The following ANKHD1 variants were observed in gnomAD, a reference collection of about 807,000 sequenced individuals.
ANKHD1 encodes the protein ankyrin repeat and KH domain-containing protein 1.
ANKHD1 carries 31 observed loss-of-function variants against 230.5 expected under a neutral mutation model. The observed-to-expected ratio is 0.13, with a 90% confidence interval of 0.10 to 0.18. ANKHD1 has a LOEUF of 0.18. ANKHD1 is among the 10% of genes least tolerant of loss of function. The pLI, the probability that ANKHD1 is intolerant of heterozygous loss-of-function variation, is 1.00. For missense variants in ANKHD1, 2,256 were observed against 3,071.3 expected (o/e 0.73, Z 6.27); for synonymous variants, 1,074 against 1,117.6 (o/e 0.96, Z 0.78).
chr5:140,489,367 G>A (rs1016402897), intron 14 of ANKHD1, among the ~76,000 whole-genome samples: 9 of 152,032 alleles, frequency 5.9e-5, no homozygotes, highest in Non-Finnish European at 1.3e-4. Flanking sequence ...GCCTGTGCCT[G>A]TAGTCCCAGC....
At chr5:140,450,114 GA>G (rs1305545295) in intron 7 of ANKHD1, among the ~76,000 whole-genome samples, 2 of 152,088 alleles carry the variant, frequency 1.3e-5, no homozygotes, top group African/African-American at 4.8e-5. Context: ...AAAGCATTCT[GA>G]TAAGTATTTA....
At chr5:140,426,908 G>A (rs1387026728) in intron 1 of ANKHD1, among the ~76,000 whole-genome samples, 5 of 152,192 alleles carry the variant, frequency 3.3e-5, no homozygotes, top group African/African-American at 9.7e-5. Flanking sequence ...AGTCTCCCAT[G>A]TCTACCTCTT....
chr5:140,407,426 A>G (rs1028059353), intron 1 of ANKHD1, among the ~76,000 whole-genome samples: 11 of 151,372 alleles, frequency 7.3e-5, no homozygotes, highest in African/African-American at 2.4e-4. Context: ...ATTTTTAGAG[A>G]TGGGCTTTTG....
chr5:140,504,413 C>G (rs1752457280), intron 15 of ANKHD1, among the ~76,000 whole-genome samples: 1 of 152,198 alleles, frequency 6.6e-6, no homozygotes, highest in Admixed American at 6.5e-5. Context: ...AAACTAAAAT[C>G]TAGAATTCCT....
At chr5:140,495,307 G>A (rs1433835995) in intron 14 of ANKHD1, among the ~76,000 whole-genome samples, 2 of 148,554 alleles carry the variant, frequency 1.3e-5, no homozygotes, top group East Asian at 2.0e-4. Context: ...GTGCAGTGGC[G>A]CAATCTCGGC....
Position 140,496,534 on chromosome 5 carries a change from A to G in ANKHD1, c.2260A>G (p.Lys754Glu). The G allele has an allele frequency of 1.9e-6, 3 of 1,589,270 alleles. No homozygotes were observed. The highest frequency in any genetic ancestry group is 2.6e-6 in the Non-Finnish European group (3 of 1,171,820). ...LGVQKGTSKQ[K>E]SSSLQVADQD... ...CATGTGCTTAGGTACATCCAAGCAGAAGTCCAGTTCCCTCCAGGTAGCAGA... is the reference window on the plus strand; with the variant it reads ...CATGTGCTTAGGTACATCCAAGCAGGAGTCCAGTTCCCTCCAGGTAGCAGA... The change falls in exon 15 of 34, where the codon AAG (lysine) becomes GAG (glutamate). Residue 754 changes from lysine to glutamate, a missense_variant. Around this residue, in one of 13 missense-constraint regions of ANKHD1, gnomAD observed 358 missense variants for 397.7 expected, o/e 0.90. Transcript: ENST00000360839.
chr5:140,448,381 C>T (rs1774452707), intron 6 of ANKHD1, among the ~76,000 whole-genome samples: 1 of 152,080 alleles, frequency 6.6e-6, no homozygotes, highest in Admixed American at 6.6e-5. Context: ...CTGATTATTT[C>T]CTTAGGATAA....
intron 1 of ANKHD1, among the ~76,000 whole-genome samples, chr5:140,422,816 GA>G (rs144213332): frequency 0.4 from 60,695 of 150,410 alleles, 13,031 homozygotes; most frequent in East Asian, 0.55. Flanking sequence ...TCTTGGGGGG[GA>G]AAAAAGACAT....
chr5:140,452,015 G>A (rs1315504421), intron 7 of ANKHD1, among the ~76,000 whole-genome samples: 5 of 152,194 alleles, frequency 3.3e-5, no homozygotes, highest in Admixed American at 2.0e-4. Flanking sequence ...CATGAGCGAC[G>A]CATGAGACGG....
rs568726304 is a variant in ANKHD1, at chr5:140,526,910, C to G, written c.4941-18C>G. Reference sequence around the variant, plus strand: ...TAAAACTTATCTTTTATTGTACTTGCTATTTGTCTCTTCTTAGACTTGAAG... The same window carrying G: ...TAAAACTTATCTTTTATTGTACTTGGTATTTGTCTCTTCTTAGACTTGAAG... On this transcript the variant is annotated intron_variant, in intron 26 of 33. Coordinates refer to ENST00000360839, the MANE Select transcript of ANKHD1 (RefSeq NM_017747.3). 1.8e-5 allele frequency: 29 copies of G among 1,601,506 alleles called. No individual in the cohort carries two copies. The East Asian group carries it at 6.1e-4, about 34-fold the overall frequency.
chr5:140,492,146 A>T (rs1292009599), intron 14 of ANKHD1, among the ~76,000 whole-genome samples: 2 of 152,324 alleles, frequency 1.3e-5, no homozygotes, highest in East Asian at 3.8e-4. Flanking sequence ...GAAAAATTGT[A>T]TATACAGTGA....
chr5:140,460,845 G>A (rs1008998938), intron 9 of ANKHD1, among the ~76,000 whole-genome samples: 2 of 152,204 alleles, frequency 1.3e-5, no homozygotes, highest in Non-Finnish European at 1.5e-5. Context: ...GAATGGTTTG[G>A]ATGATTTATG....
chr5:140,464,562 A>G, intron 9 of ANKHD1, 105 bp from the exon 10 acceptor site: 1 of 979,432 alleles, frequency 1.0e-6, no homozygotes. Flanking sequence ...ATGCATTTTG[A>G]TATTTTCACA....
chr5:140,470,338 T>G (rs530497221), intron 10 of ANKHD1, among the ~76,000 whole-genome samples: 119 of 151,650 alleles, frequency 7.8e-4, no homozygotes, highest in Non-Finnish European at 6.3e-4. Context: ...AGTATTTAAT[T>G]TTTAAAATTT....
At position 140,529,018 on chromosome 5, in the gene ANKHD1, G is replaced by T. The variant is rs550621585; in HGVS notation, c.6072G>T (p.Val2024=). 6.2e-7 allele frequency: 1 copy of T among 1,614,000 alleles called. No homozygotes were observed. The highest frequency in any genetic ancestry group is 8.5e-7 in the Non-Finnish European group (1 of 1,180,036). The change falls in exon 29 of 34, where the codon GTG becomes GTT. Residue 2024 remains valine, a synonymous_variant. Coordinates refer to ENST00000360839, the MANE Select transcript of ANKHD1 (RefSeq NM_017747.3). ...AAAAGATGGAGTCTTTCTCTGCTGT[G>T]CCACCCACCAAAGAGAAAGTGTCCA... ...SSQKMESFSA[V]PPTKEKVSTQ...
chr5:140,516,593 G>C (rs1287488384), intron 24 of ANKHD1, among the ~76,000 whole-genome samples: 2 of 151,994 alleles, frequency 1.3e-5, no homozygotes, highest in Non-Finnish European at 2.9e-5. Flanking sequence ...CAGATCTCTC[G>C]GCAGAAACTC....
At chr5:140,432,697 A>G (rs974459053) in intron 1 of ANKHD1, among the ~76,000 whole-genome samples, 1 of 152,146 alleles carries the variant, frequency 6.6e-6, no homozygotes, top group African/African-American at 2.4e-5. Context: ...AGCAATGCAG[A>G]AAGACCTTAT....
intron 5 of ANKHD1, among the ~76,000 whole-genome samples, chr5:140,442,996 TC>T (rs1773978631): frequency 6.6e-6 from 1 of 151,830 alleles, no homozygotes. Context: ...AGCTCTGCCT[TC>T]CAGGTTCACG....
At chr5:140,499,851 T>C in intron 15 of ANKHD1, among the ~76,000 whole-genome samples, 1 of 151,752 alleles carries the variant, frequency 6.6e-6, no homozygotes, top group East Asian at 1.9e-4. Flanking sequence ...GTTCTAGAAA[T>C]ACTTAGTAAA....
Sources: allele counts gnomAD v4.1 joint callset (sites outside exome capture counted in the v4.1 genomes callset), GRCh38; gene constraint gnomAD v4.1.1; regional missense constraint gnomAD v4.1.1; transcripts MANE v1.5; gene names NCBI Gene and HGNC (gene_info 2026-07-23, HGNC 2026-07-21).